Variants in SH2D3A observed in about 807,000 individuals in gnomAD.
The protein encoded by SH2D3A is SH2 domain-containing protein 3A.
In SH2D3A, 46 loss-of-function variants were observed where a neutral mutation model predicts 50.6. The ratio of observed to expected loss-of-function variants is 0.91; its 90% CI spans 0.72 to 1.16. The LOEUF (loss-of-function observed/expected upper bound fraction) is 1.16. Ranked by LOEUF, SH2D3A falls within the 50% of genes most tolerant of loss-of-function variation. The pLI is 0.00. For synonymous variants in SH2D3A, 377 were observed against 348.4 expected (o/e 1.08, Z -0.91); for missense variants, 783 against 786.2 (o/e 1.00, Z 0.05).
At chr19:6,752,811 C>T (rs756228090) in intron 9 of SH2D3A, 58 bp from the exon 10 acceptor site, 106 of 1,459,872 alleles carry the variant, frequency 7.3e-5, no homozygotes, top group Non-Finnish European at 8.5e-5. Context: ...TCGCCCCTCC[C>T]AACCTCCCGG....
chr19:6,759,664 C>T lies in SH2D3A; in HGVS notation c.426G>A (p.Arg142=), dbSNP rs374055625. ...CTGCAGGCTGACTGTTGCTCCACTT[C>T]CTTGCCCTGGGGGACAGAAGTGGGA... is the stretch of plus-strand genomic sequence containing the variant. The part of the protein sequence containing the change: ...GPARIEPLRA[R]KWSNSQPADL... The change falls in exon 4 of 10, where the codon AGG becomes AGA. Residue 142 remains arginine, a synonymous_variant. Coordinates refer to ENST00000245908, the MANE Select transcript of SH2D3A (RefSeq NM_005490.3). The T allele has an allele frequency of 8.7e-6, 14 of 1,613,754 alleles. No homozygotes were observed. The highest frequency in any genetic ancestry group is 1.2e-5 in the Non-Finnish European group (14 of 1,179,776).
Position 6,762,937 on chromosome 19 carries a change from A to T in SH2D3A, c.69+743T>A, listed in dbSNP as rs10409233. Among the ~76,000 whole-genome samples the T allele has an allele frequency of 1.2e-3, 175 of 151,990 alleles. 5 individuals are homozygous for T. In the East Asian group the frequency reaches 0.03, roughly 26 times the overall value. ...TTTGAACCTAGGGTGTCTGGGTCTC[A>T]ATTATGGGATTTTAACTATTAAGTT... On this transcript the variant is annotated intron_variant, in intron 2 of 9. Coordinates refer to ENST00000245908, the MANE Select transcript of SH2D3A (RefSeq NM_005490.3).
chr19:6,754,860 C>A lies in SH2D3A; in HGVS notation c.952G>T (p.Ala318Ser), dbSNP rs781513427. 1 of 1,598,156 alleles carries A rather than the reference C, an allele frequency of 6.3e-7. No individual in the cohort carries two copies. Among genetic ancestry groups the A allele is most frequent in the South Asian group, 1.1e-5 (1 of 88,386 alleles). The change falls in exon 5 of 10, where the codon GCC becomes TCC. Residue 318 changes from alanine (A) to serine (S), a missense_variant. By Grantham distance (99) the Ala-to-Ser change is moderately conservative (BLOSUM62 1). Transcript: ENST00000245908. ...CAGTCTACCAATAGCAGGTGAAGGG[C>A]GGTGCTCCCAGGATGGTGCTCCAGG... The part of the protein sequence containing the change: ...LFLEHHPGST[A>S]LHLLLVDCQA...
rs1201282313 is a variant in SH2D3A at position 6,754,410 on chromosome 19, C to G, written c.1113G>C (p.Ala371=). Residue 371 remains alanine, a synonymous_variant, in exon 7 of 10, where the codon GCG becomes GCC. Coordinates refer to ENST00000245908, the MANE Select transcript of SH2D3A (RefSeq NM_005490.3). ...CCAGCACCGCCAGCGCCCCGGCCAG[C>G]GCCAGTGTCTGATGCCTGCAGAGGT... ...LELLERHQTL[A]LAGALAVLGC... 6.6e-7 allele frequency: 1 copy of G among 1,524,314 alleles called. No individual in the cohort carries two copies. The highest frequency in any genetic ancestry group is 8.7e-7 in the Non-Finnish European group (1 of 1,147,322). 94.4% of individuals were successfully genotyped at this position (1,524,314 alleles called of 1,614,324 possible).
chr19:6,764,069 C>T (rs552475863), intron 1 of SH2D3A: 1 of 171,418 alleles, frequency 5.8e-6, no homozygotes, highest in South Asian at 1.4e-4. Context: ...TGCACCACCA[C>T]ACCCAGCTAA....
chr19:6,761,280 C>T, intron 2 of SH2D3A: 1 of 352,966 alleles, frequency 2.8e-6, no homozygotes. Context: ...GCGCATAAAA[C>T]CCTGCTGCAC....
At chr19:6,759,174 C>T (rs917767321) in intron 4 of SH2D3A, 13 of 170,326 alleles carry the variant, frequency 7.6e-5, no homozygotes, top group Non-Finnish European at 1.4e-4. Flanking sequence ...AGTGCGGTAG[C>T]GCCATCTCGG....
chr19:6,759,122 T>G (rs1969861382), intron 4 of SH2D3A: 1 of 163,256 alleles, frequency 6.1e-6, no homozygotes, highest in Non-Finnish European at 1.3e-5. Context: ...AAACACTTTT[T>G]TTTTTTTTTG....
intron 4 of SH2D3A, chr19:6,759,084 A>C (rs1452041065): frequency 1.3e-5 from 2 of 156,754 alleles, no homozygotes; most frequent in African/African-American, 2.4e-5. Context: ...CTGTGGTCAG[A>C]ACAGGTACAG....
Position 6,754,623 on chromosome 19 carries a change from G to A in SH2D3A, c.1090C>T (p.Leu364=), listed in dbSNP as rs1969539996. 6.2e-7 allele frequency: 1 copy of A among 1,614,200 alleles called. No individual in the cohort carries two copies. Among genetic ancestry groups the A allele is most frequent in the East Asian group, 2.2e-5 (1 of 44,880 alleles). Residue 364 remains leucine, a synonymous_variant, in exon 6 of 10, where the codon CTG becomes TTG. Coordinates refer to ENST00000245908, the MANE Select transcript of SH2D3A (RefSeq NM_005490.3). ...PHGHHLRLEL[L]ERHQTLALAG... ...TACAAGCTGCTGGCTCACCTCTCCA[G>A]CAGTTCCAACCTCAAGTGGTGTCCA...
rs747836164 is a variant in SH2D3A, at chr19:6,759,607, G to T, written c.483C>A (p.Asp161Glu). The T allele has an allele frequency of 6.2e-7, 1 of 1,613,832 alleles. No individual in the cohort carries two copies. The highest frequency in any genetic ancestry group is 8.5e-7 in the Non-Finnish European group (1 of 1,179,904). The change falls in exon 4 of 10, where the codon GAC becomes GAA. Residue 161 changes from aspartate (D) to glutamate (E), a missense_variant. Transcript: ENST00000245908. The part of the protein sequence containing the change: ...DLAHMGRSRE[D>E]PAGMEASTMP... ...GCAGACACTTACCCATCCCAGCGGG[G>T]TCTTCTCTTGACCGCCCCATATGTG...
At chr19:6,753,742 C>T in intron 8 of SH2D3A, 101 bp from the exon 9 acceptor site, 2 of 1,259,172 alleles carry the variant, frequency 1.6e-6, no homozygotes, top group Non-Finnish European at 2.1e-6. Flanking sequence ...TAGGACTGAG[C>T]GACAGCGGGG....
At position 6,754,267 on chromosome 19, in the gene SH2D3A, G is replaced by T. The variant is rs764586182; in HGVS notation, c.1256C>A (p.Ala419Asp). 8 of 1,595,350 alleles carry T rather than the reference G, an allele frequency of 5.0e-6. No individual in the cohort carries two copies. In the African/African-American group the frequency reaches 9.4e-5, roughly 19 times the overall value. ...CCCACGAACCTGGGGCATGAGCAGG[G>T]CGCCCATGACTGCAGCCAGCCCGGG... ...DLPGLAAVMG[A>D]LLMPQVSRLE... Residue 419 changes from alanine to aspartate, a missense_variant, in exon 7 of 10, where the codon GCC (alanine) becomes GAC (aspartate). Coordinates refer to ENST00000245908, the MANE Select transcript of SH2D3A (RefSeq NM_005490.3).
intron 4 of SH2D3A, chr19:6,757,408 T>C (rs79325462): frequency 0.17 from 26,003 of 150,550 alleles, 2,985 homozygotes; most frequent in African/African-American, 0.32. Context: ...GCCTTGACTT[T>C]CTGGGTTCAA....
At chr19:6,762,252 C>T (rs1427288390) in intron 2 of SH2D3A, among the ~76,000 whole-genome samples, 2 of 152,022 alleles carry the variant, frequency 1.3e-5, no homozygotes, top group South Asian at 2.1e-4. Flanking sequence ...GGCACAATCT[C>T]GGCTCACTGC....
Position 6,754,125 on chromosome 19 carries a change from C to T in SH2D3A, c.1311G>A (p.Arg437=). The change falls in exon 8 of 10, where the codon AGG becomes AGA. Residue 437 remains arginine (R), a synonymous_variant. Transcript: ENST00000245908. ...RLEHTWRQLR[R]SHTEAALAFE... ...AGGCCAGCGCAGCCTCCGTGTGGCT[C>T]CTTCGGAGCTGGCGCCACGTGTGCT... The T allele has an allele frequency of 6.2e-7, 1 of 1,613,566 alleles. No individual in the cohort carries two copies. The highest frequency in any genetic ancestry group is 8.5e-7 in the Non-Finnish European group (1 of 1,179,802).
At chr19:6,766,808 A>C (rs550848895) in intron 1 of SH2D3A, among the ~76,000 whole-genome samples, 3 of 152,362 alleles carry the variant, frequency 2.0e-5, no homozygotes, top group Admixed American at 1.3e-4. Flanking sequence ...GAGATGTGAT[A>C]GAGGAGGCTG....
chr19:6,760,866 C>G lies in SH2D3A; in HGVS notation c.191G>C (p.Arg64Pro), dbSNP rs562996882. 7 of 1,614,114 alleles carry G rather than the reference C, an allele frequency of 4.3e-6. No homozygotes were observed. Among genetic ancestry groups the G allele is most frequent in the East Asian group, 2.2e-5 (1 of 44,902 alleles). Residue 64 changes from arginine to proline, a missense_variant, in exon 3 of 10, where the codon CGT becomes CCT. Coordinates refer to ENST00000245908, the MANE Select transcript of SH2D3A (RefSeq NM_005490.3). ...RGSALHFEVFRVALRPRPGRP... is the reference protein window; with the variant it reads ...RGSALHFEVFPVALRPRPGRP... The stretch of plus-strand genomic sequence containing the variant: ...GCCTGGCCGGGGACGCAGGGCCACA[C>G]GGAACACCTCAAAATGGAGGGCTGA...
chr19:6,755,155 G>C lies in SH2D3A; in HGVS notation c.657C>G (p.Phe219Leu), dbSNP rs754996769. Residue 219 changes from phenylalanine (F) to leucine (L), a missense_variant, in exon 5 of 10, where the codon TTC (phenylalanine) becomes TTG (leucine). By Grantham distance (22) the Phe-to-Leu change is conservative. Transcript: ENST00000245908. ...APTKPPRTPS[F>L]ELPDASERPP... ...GACGTTCAGAGGCATCAGGCAGTTC[G>C]AAGGAGGGTGTCCGGGGGGGCTTCG... 25 of 1,609,070 alleles carry C rather than the reference G, an allele frequency of 1.6e-5. No homozygotes were observed. The Admixed American group carries it at 2.2e-4, about 14-fold the overall frequency.
Sources: allele counts gnomAD v4.1 joint callset (sites outside exome capture counted in the v4.1 genomes callset), GRCh38; gene constraint gnomAD v4.1.1; transcripts MANE v1.5; gene names NCBI Gene and HGNC (gene_info 2026-07-23, HGNC 2026-07-21).